Variants in BTG4 observed in about 807,000 individuals in gnomAD.
BTG4 encodes BTG anti-proliferation factor 4, also known as protein BTG4.
A neutral mutation model predicts 19.3 loss-of-function variants in BTG4; 10 were observed. That is an observed-to-expected ratio of 0.52 (90% CI 0.32 to 0.88). The LOEUF is 0.88. Ranked by LOEUF, BTG4 falls within the 40% of genes least tolerant of loss-of-function variation. BTG4 has a pLI of 0.04. For synonymous variants in BTG4, 91 were observed against 95.7 expected (o/e 0.95, Z 0.29); for missense variants, 238 against 281.9 (o/e 0.84, Z 1.11).
chr11:111,476,358 A>C (rs1328676983), intron 5 of BTG4, among the ~76,000 whole-genome samples: 1 of 152,166 alleles, frequency 6.6e-6, no homozygotes, highest in Non-Finnish European at 1.5e-5. Flanking sequence ...ACATCCATAC[A>C]TGGCTGAGGA....
At chr11:111,469,382 C>A (rs1863920841) in intron 5 of BTG4, 1 of 152,242 alleles carries the variant, frequency 6.6e-6, no homozygotes, top group African/African-American at 2.4e-5. Context: ...GCTTCTCTTT[C>A]TCTGTGACTC....
chr11:111,484,400 C>T (rs1413983834), intron 5 of BTG4, among the ~76,000 whole-genome samples: 1 of 152,044 alleles, frequency 6.6e-6, no homozygotes, highest in African/African-American at 2.4e-5. Context: ...GACTAAAAGA[C>T]AAATCTATCA....
downstream of BTG4, among the ~76,000 whole-genome samples, chr11:111,492,559 G>A (rs677365): frequency 0.97 from 148,208 of 152,314 alleles, 72,236 homozygotes; most frequent in Middle Eastern, 1. Context: ...GCATTTAATC[G>A]CCAATAAAGT....
the BTG4 span, among the ~76,000 whole-genome samples, chr11:111,406,159 C>T: frequency 6.6e-6 from 1 of 152,202 alleles, no homozygotes; most frequent in East Asian, 1.9e-4. Context: ...TTTCAATACA[C>T]ACTAATGTTC....
At chr11:111,442,195 G>A in the BTG4 span, among the ~76,000 whole-genome samples, 7 of 151,870 alleles carry the variant, frequency 4.6e-5, no homozygotes, top group East Asian at 1.9e-4. Flanking sequence ...ATTCTAGGAC[G>A]GGGACAGGAA....
At chr11:111,406,950 G>T in the BTG4 span, among the ~76,000 whole-genome samples, 2 of 152,074 alleles carry the variant, frequency 1.3e-5, no homozygotes, top group Non-Finnish European at 2.9e-5. Context: ...TCTTACTACA[G>T]ATCACTAGGC....
chr11:111,504,453 C>A (rs1160904217), intron 1 of BTG4, among the ~76,000 whole-genome samples: 1 of 151,980 alleles, frequency 6.6e-6, no homozygotes. Flanking sequence ...GTGTTTTATC[C>A]GCCACAAGCT....
chr11:111,442,521 C>CACACAT, the BTG4 span, among the ~76,000 whole-genome samples: 1 of 150,226 alleles, frequency 6.7e-6, no homozygotes, highest in African/African-American at 2.5e-5. Context: ...TACACACACA[C>CACACAT]ACACACACAC....
At chr11:111,513,270 A>G (rs1039127446), upstream of BTG4, among the ~76,000 whole-genome samples, 1 of 152,342 alleles carries the variant, frequency 6.6e-6, no homozygotes, top group East Asian at 1.9e-4. Context: ...AAGCCCCTCC[A>G]TCCATGTAAC....
downstream of BTG4, among the ~76,000 whole-genome samples, chr11:111,493,650 G>C (rs1012907718): frequency 6.6e-6 from 1 of 152,132 alleles, no homozygotes; most frequent in African/African-American, 2.4e-5. Context: ...GTTGCCTTGA[G>C]AGAAATCTAG....
At chr11:111,493,887 C>T (rs1166987713), downstream of BTG4, among the ~76,000 whole-genome samples, 2 of 152,136 alleles carry the variant, frequency 1.3e-5, no homozygotes, top group Non-Finnish European at 2.9e-5. Flanking sequence ...AGCTCCCTCC[C>T]CCTTCATCAG....
the BTG4 span, among the ~76,000 whole-genome samples, chr11:111,401,479 CT>C: frequency 8.1e-6 from 1 of 123,618 alleles, no homozygotes; most frequent in Admixed American, 9.1e-5. Context: ...GAGACTCCGT[CT>C]CAAAAAAAAA....
intron 5 of BTG4, among the ~76,000 whole-genome samples, chr11:111,483,964 C>G (rs1189658326): frequency 6.6e-6 from 1 of 152,012 alleles, no homozygotes; most frequent in Non-Finnish European, 1.5e-5. Flanking sequence ...ATAAAGAATC[C>G]TAAAAGTAGT....
chr11:111,472,365 C>T (rs896930228), intron 5 of BTG4, among the ~76,000 whole-genome samples: 1 of 152,196 alleles, frequency 6.6e-6, no homozygotes, highest in Non-Finnish European at 1.5e-5. Context: ...GTGTTTCTCA[C>T]CCAGGAGGAA....
chr11:111,481,867 T>A (rs1565451019), intron 5 of BTG4, among the ~76,000 whole-genome samples: 1 of 151,772 alleles, frequency 6.6e-6, no homozygotes, highest in Non-Finnish European at 1.5e-5. Context: ...AATTGATGAG[T>A]ATCTACTTAA....
At chr11:111,398,699 G>T in the BTG4 span, among the ~76,000 whole-genome samples, 1 of 152,240 alleles carries the variant, frequency 6.6e-6, no homozygotes, top group South Asian at 2.1e-4. Flanking sequence ...GCTGGTCTGG[G>T]AATCACACAG....
intron 5 of BTG4, among the ~76,000 whole-genome samples, chr11:111,474,522 C>T (rs916525966): frequency 6.6e-6 from 1 of 152,148 alleles, no homozygotes; most frequent in African/African-American, 2.4e-5. Flanking sequence ...TGTTCATTCT[C>T]TTTGCTATAA....
downstream of BTG4, among the ~76,000 whole-genome samples, chr11:111,490,617 G>C (rs1297703616): frequency 6.6e-6 from 1 of 152,156 alleles, no homozygotes; most frequent in African/African-American, 2.4e-5. Context: ...GACTTACACA[G>C]ATATTTCATC....
intron 5 of BTG4, among the ~76,000 whole-genome samples, chr11:111,483,723 T>A (rs1393189595): frequency 6.6e-6 from 1 of 151,978 alleles, no homozygotes; most frequent in Non-Finnish European, 1.5e-5. Context: ...CTACAAGATC[T>A]AGAAAATAGC....
Sources: allele counts gnomAD v4.1 joint callset (sites outside exome capture counted in the v4.1 genomes callset), GRCh38; gene constraint gnomAD v4.1.1; transcripts MANE v1.5; gene names NCBI Gene and HGNC (gene_info 2026-07-23, HGNC 2026-07-21).